Variants in SH3TC1 observed in about 807,000 individuals in gnomAD.
SH3TC1 encodes SH3 domain and tetratricopeptide repeats 1, also known as SH3 domain and tetratricopeptide repeat-containing protein 1.
SH3TC1 carries 135 observed loss-of-function variants against 117.3 expected under a neutral mutation model. The observed-to-expected ratio is 1.15, with a 90% confidence interval of 1.00 to 1.33. The LOEUF is 1.33. Among genes scored for constraint, SH3TC1 ranks in the 40% most tolerant of loss-of-function variants. The pLI, the probability that SH3TC1 is intolerant of heterozygous loss-of-function variation, is 0.00. For synonymous variants in SH3TC1, 898 were observed against 816.9 expected (o/e 1.10, Z -1.69); for missense variants, 2,092 against 1,794.3 (o/e 1.17, Z -3.00).
chr4:8,236,074 C>G, intron 15 of SH3TC1: 1 of 615,772 alleles, frequency 1.6e-6, no homozygotes, highest in Non-Finnish European at 2.6e-6. Context: ...TTGAGGCTGC[C>G]GGGTGTAGCT....
At chr4:8,203,671 C>T (rs1354062993) in intron 1 of SH3TC1, among the ~76,000 whole-genome samples, 1 of 152,154 alleles carries the variant, frequency 6.6e-6, no homozygotes, top group African/African-American at 2.4e-5. Context: ...ATCTCCCCGC[C>T]CCTGCAAGAC....
chr4:8,224,649 A>T (rs1720290347), intron 10 of SH3TC1: 3 of 153,994 alleles, frequency 1.9e-5, no homozygotes, highest in African/African-American at 7.2e-5. Flanking sequence ...AGTGTCAGCC[A>T]CTTTACGGGG....
upstream of SH3TC1, among the ~76,000 whole-genome samples, chr4:8,195,048 A>G (rs1284975489): frequency 6.6e-6 from 1 of 152,150 alleles, no homozygotes; most frequent in Admixed American, 6.5e-5. Flanking sequence ...CCCTCTGTGA[A>G]TCAGTCCAGC....
rs1339437107 is a variant in SH3TC1, at chr4:8,209,339, T to C, written c.173-409T>C. 1.3e-5 allele frequency among the ~76,000 whole-genome samples: 2 copies of C among 152,042 alleles called. No homozygotes were observed. The highest frequency in any genetic ancestry group is 2.4e-5 in the African/African-American group (1 of 41,372). On this transcript the variant is annotated intron_variant, in intron 2 of 17. Coordinates refer to ENST00000245105, the MANE Select transcript of SH3TC1 (RefSeq NM_018986.5). This position sits in a 1 kb window ranked among gnomAD's most constrained non-coding sequence, Gnocchi z 5.9. Reference sequence around the variant, plus strand: ...GGGAGAGGCAGAAAAGGAGATGCAGTGACAAAGCGGAAGTAGAAGTGGCGG... The same window carrying C: ...GGGAGAGGCAGAAAAGGAGATGCAGCGACAAAGCGGAAGTAGAAGTGGCGG...
chr4:8,230,655 T>G (rs1480451089), intron 12 of SH3TC1, among the ~76,000 whole-genome samples: 2 of 152,226 alleles, frequency 1.3e-5, no homozygotes, highest in Non-Finnish European at 2.9e-5. Flanking sequence ...TTTTTCTAGT[T>G]TCTTAAGGTG....
rs1721843471 is a variant in SH3TC1 at position 8,236,609 on chromosome 4, G to C, written c.3556+181G>C. ...GGCACAGCCCGAGGTCCTTCACTCAGTGCAGAGCTCCCTGCCTGGCTGAGC... is the reference window on the plus strand; with the variant it reads ...GGCACAGCCCGAGGTCCTTCACTCACTGCAGAGCTCCCTGCCTGGCTGAGC... On this transcript the variant is annotated intron_variant, in intron 16 of 17. Transcript: ENST00000245105. 30 of 694,798 alleles carry C rather than the reference G, an allele frequency of 4.3e-5. No individual in the cohort carries two copies. The South Asian group carries it at 8.5e-4, about 20-fold the overall frequency. 43.0% of individuals were successfully genotyped at this position (694,798 alleles called of 1,614,324 possible).
intron 14 of SH3TC1, among the ~76,000 whole-genome samples, chr4:8,234,560 C>T (rs1578748649): frequency 6.6e-6 from 1 of 151,694 alleles, no homozygotes; most frequent in South Asian, 2.1e-4. Flanking sequence ...TACATCTGCT[C>T]ATCCATTTAT....
chr4:8,240,587 T>A, intron 17 of SH3TC1, 111 bp from the exon 18 acceptor site: 1 of 1,520,170 alleles, frequency 6.6e-7, no homozygotes, highest in Non-Finnish European at 9.0e-7. Context: ...TCGGGGCTCA[T>A]GGGGTGAGCC....
chr4:8,233,720 TATCC>T (rs763911192), intron 14 of SH3TC1, among the ~76,000 whole-genome samples: 2 of 131,260 alleles, frequency 1.5e-5, no homozygotes, highest in Non-Finnish European at 3.3e-5. Flanking sequence ...ATCCTTCCAT[TATCC>T]ATCCATTCAC....
At chr4:8,207,970 C>G (rs1718344008) in intron 2 of SH3TC1, among the ~76,000 whole-genome samples, 1 of 152,234 alleles carries the variant, frequency 6.6e-6, no homozygotes, top group South Asian at 2.1e-4. Context: ...GACCATGACA[C>G]AGGGTTGATT....
chr4:8,219,485 G>A lies in SH3TC1; in HGVS notation c.1067G>A (p.Gly356Glu). The change falls in exon 9 of 18, where the codon GGG becomes GAG. Residue 356 changes from glycine to glutamate, a missense_variant. Coordinates refer to ENST00000245105, the MANE Select transcript of SH3TC1 (RefSeq NM_018986.5). ...CGACACGCAGCCTCGGGCCGGGTGG[G>A]GTTTGTGCGGAGCAGCCTCATCAGC... ...VGRHAASGRV[G>E]FVRSSLISMQ... The A allele has an allele frequency of 6.2e-7, 1 of 1,602,936 alleles. No individual in the cohort carries two copies. The highest frequency in any genetic ancestry group is 2.2e-5 in the East Asian group (1 of 44,536).
intron 6 of SH3TC1, among the ~76,000 whole-genome samples, chr4:8,216,458 C>T (rs189047872): frequency 9.2e-5 from 14 of 152,326 alleles, no homozygotes; most frequent in African/African-American, 2.9e-4. Context: ...GGCCAGCCCC[C>T]AGGGACACAG....
chr4:8,194,436 C>T (rs536937757), upstream of SH3TC1, among the ~76,000 whole-genome samples: 8 of 152,330 alleles, frequency 5.3e-5, no homozygotes, highest in South Asian at 1.4e-3. Context: ...CCTTGTCTGC[C>T]CAGACTCCTG....
Position 8,218,252 on chromosome 4 carries a change from C to T in SH3TC1, c.840-19C>T, listed in dbSNP as rs766845129. 5.2e-5 allele frequency: 83 copies of T among 1,603,378 alleles called. No homozygotes were observed. The highest frequency in any genetic ancestry group is 6.5e-5 in the Non-Finnish European group (76 of 1,171,334). On this transcript the variant is annotated intron_variant, in intron 7 of 17. Transcript: ENST00000245105. ...AAATCTGAAATCCCGCAGCAAAGAC[C>T]TCCCTCTTCCGGCTCCAGGTGGGCT...
At chr4:8,196,823 G>A (rs1179690634), upstream of SH3TC1, among the ~76,000 whole-genome samples, 1 of 152,142 alleles carries the variant, frequency 6.6e-6, no homozygotes, top group Admixed American at 6.5e-5. This position sits in a 1 kb window ranked among gnomAD's most constrained non-coding sequence, Gnocchi z 4.6. Flanking sequence ...CCTGGACCTT[G>A]TATCGTCCAT....
At chr4:8,232,660 A>G (rs1560112038) in intron 13 of SH3TC1, 2 of 1,293,926 alleles carry the variant, frequency 1.5e-6, no homozygotes, top group Non-Finnish European at 1.0e-6. Flanking sequence ...CTCCTGGAGC[A>G]TCCTGACCTG....
intron 15 of SH3TC1, 91 bp downstream of exon 15, chr4:8,235,646 C>A: frequency 6.9e-7 from 1 of 1,440,386 alleles, no homozygotes; most frequent in South Asian, 1.6e-5. Flanking sequence ...GCCCTCGCAC[C>A]TGGAGGCAGG....
intron 1 of SH3TC1, among the ~76,000 whole-genome samples, chr4:8,200,699 G>A (rs1303024082): frequency 6.6e-6 from 1 of 152,258 alleles, no homozygotes; most frequent in Non-Finnish European, 1.5e-5. Context: ...CCTCTCGGTC[G>A]TGTTCTCTCG....
intron 1 of SH3TC1, among the ~76,000 whole-genome samples, chr4:8,203,171 C>T (rs1257111949): frequency 2.0e-5 from 3 of 152,162 alleles, no homozygotes; most frequent in Admixed American, 6.5e-5. Flanking sequence ...TGGCCCGAGC[C>T]GAGAGCAGTG....
Sources: gnomAD v4.1 joint callset for allele counts (sites outside exome capture counted in the v4.1 genomes callset) on GRCh38, gnomAD v4.1.1 for gene constraint, Gnocchi (gnomAD v3.1) non-coding constraint, MANE v1.5 for transcripts, NCBI Gene and HGNC (gene_info 2026-07-23, HGNC 2026-07-21) for gene names.